Variants in ZNF395 observed in about 807,000 individuals in gnomAD.
ZNF395 encodes the protein HD gene regulatory region-binding protein 2.
A neutral mutation model predicts 57.7 loss-of-function variants in ZNF395; 20 were observed. The observed-to-expected ratio is 0.35, with a 90% CI of 0.24 to 0.50. ZNF395 has a LOEUF of 0.50. ZNF395 is among the 20% of genes least tolerant of loss of function. The probability of loss-of-function intolerance (pLI) is 0.97; values close to 1 mark genes in which losing one functional copy is unlikely to be tolerated. For synonymous variants in ZNF395, 295 were observed against 275.9 expected, an observed-to-expected ratio of 1.07 and a Z score of -0.69; for missense variants, 606 against 671.2, an observed-to-expected ratio of 0.90 and a Z score of 1.07.
chr8:28,371,932 C>T (rs1801982093), intron 1 of ZNF395, among the ~76,000 whole-genome samples: 1 of 152,068 alleles, frequency 6.6e-6, no homozygotes, highest in Non-Finnish European at 1.5e-5. Flanking sequence ...ACCTGCAATC[C>T]CAGCTACTGG....
chr8:28,378,433 TTCTC>T (rs1159554155), intron 1 of ZNF395, among the ~76,000 whole-genome samples: 1 of 151,942 alleles, frequency 6.6e-6, no homozygotes, highest in African/African-American at 2.4e-5. Flanking sequence ...CATAGACAAG[TTCTC>T]TCTCTGTTGC....
At chr8:28,354,463 T>A (rs1801756009) in intron 4 of ZNF395, among the ~76,000 whole-genome samples, 1 of 152,204 alleles carries the variant, frequency 6.6e-6, no homozygotes, top group African/African-American at 2.4e-5. Flanking sequence ...AGCACATCCC[T>A]TGTGGCCAGG....
At chr8:28,384,190 A>T (rs913805401) in intron 1 of ZNF395, among the ~76,000 whole-genome samples, 1 of 151,880 alleles carries the variant, frequency 6.6e-6, no homozygotes, top group African/African-American at 2.4e-5. Context: ...CCATTCCCTC[A>T]CTCAAAAACC....
intron 1 of ZNF395, 127 bp from the exon 2 acceptor site, chr8:28,361,309 T>C: frequency 1.3e-6 from 1 of 779,502 alleles, no homozygotes; most frequent in Non-Finnish European, 2.0e-6. Context: ...GTGATATCCA[T>C]TCCTAGTAGG....
Position 28,386,432 on chromosome 8 carries a change from C to G in ZNF395, c.-98G>C, listed in dbSNP as rs921180717. The G allele has an allele frequency of 1.3e-5, 2 of 151,250 alleles. No individual in the cohort carries two copies. The highest frequency in any genetic ancestry group is 4.9e-5 in the African/African-American group (2 of 40,936). 9.4% of individuals were successfully genotyped at this position (151,250 alleles called of 1,614,324 possible). ...AGACAGTCGGCGCTCAATAAGTGCC[C>G]GAGCGACTCCTCGCGCACATGCGCA... On this transcript the variant is annotated 5_prime_UTR_variant, in exon 1 of 10. Transcript: ENST00000344423.
chr8:28,372,020 G>T (rs1801982941), intron 1 of ZNF395, among the ~76,000 whole-genome samples: 1 of 151,892 alleles, frequency 6.6e-6, no homozygotes, highest in Admixed American at 6.6e-5. Context: ...TCTAGCCTGG[G>T]TGACAGAGTG....
At chr8:28,361,282 C>A in intron 1 of ZNF395, 100 bp from the exon 2 acceptor site, 1 of 983,472 alleles carries the variant, frequency 1.0e-6, no homozygotes, top group Non-Finnish European at 1.5e-6. Flanking sequence ...CTTCTAGCAT[C>A]CTTCCCTTTT....
chr8:28,354,907 G>T (rs1433391206), intron 4 of ZNF395, among the ~76,000 whole-genome samples: 2 of 151,520 alleles, frequency 1.3e-5, no homozygotes, highest in Non-Finnish European at 2.9e-5. Context: ...AGCAGGTCAA[G>T]CAGCAGGCAC....
intron 1 of ZNF395, among the ~76,000 whole-genome samples, chr8:28,376,984 A>G (rs1802049780): frequency 6.6e-6 from 1 of 152,206 alleles, no homozygotes; most frequent in East Asian, 1.9e-4. Flanking sequence ...TCATCTTACA[A>G]TATTCTCCAA....
intron 1 of ZNF395, among the ~76,000 whole-genome samples, chr8:28,383,968 A>G (rs1399714735): frequency 2.0e-5 from 3 of 152,164 alleles, no homozygotes; most frequent in African/African-American, 7.2e-5. Context: ...CGTTGAATCA[A>G]TTTCCACCAA....
At position 28,348,511 on chromosome 8, in the gene ZNF395, G is replaced by A. The variant is rs960726335; in HGVS notation, c.*208C>T. Reference sequence around the variant, plus strand: ...TTTTGGCTCTCTCCTATTTTAGGGGGAAAAATATTTTTGTTTCTTTTTTTT... The same window carrying A: ...TTTTGGCTCTCTCCTATTTTAGGGGAAAAAATATTTTTGTTTCTTTTTTTT... On this transcript the variant is annotated 3_prime_UTR_variant, in exon 10 of 10. Coordinates refer to ENST00000344423, the MANE Select transcript of ZNF395 (RefSeq NM_018660.3). The A allele has an allele frequency of 1.8e-5, 10 of 549,598 alleles. No individual in the cohort carries two copies. The African/African-American group carries it at 1.9e-4, about 10-fold the overall frequency. The allele number at this position is 549,598 out of a possible 1,614,324, so 34.0% of individuals were successfully genotyped here.
At chr8:28,364,417 C>T (rs1026879789) in intron 1 of ZNF395, among the ~76,000 whole-genome samples, 1 of 152,040 alleles carries the variant, frequency 6.6e-6, no homozygotes, top group Non-Finnish European at 1.5e-5. Flanking sequence ...TTTGGGAGGC[C>T]AAGGCAGGCA....
Position 28,345,750 on chromosome 8 carries a change from T to C in ZNF395, c.*2969A>G, listed in dbSNP as rs1189875566. ...ATAAGACAAACTCACAGATGGGATT[T>C]ATCTCCCTCTTGCTTTTTTTTTTTT... On this transcript the variant is annotated 3_prime_UTR_variant, in exon 10 of 10. Transcript: ENST00000344423. The C allele has an allele frequency of 7.9e-6, 1 of 126,916 alleles. No individual in the cohort carries two copies. Among genetic ancestry groups the C allele is most frequent in the Non-Finnish European group, 1.6e-5 (1 of 61,262 alleles). The allele number at this position is 126,916 out of a possible 1,614,324, so 7.9% of individuals were successfully genotyped here.
chr8:28,362,937 A>G (rs540402746), intron 1 of ZNF395, among the ~76,000 whole-genome samples: 86 of 152,310 alleles, frequency 5.6e-4, no homozygotes, highest in African/African-American at 2.0e-3. Flanking sequence ...AAAATAATAT[A>G]AGGAAAAGGT....
At chr8:28,378,399 C>T (rs1454612118) in intron 1 of ZNF395, among the ~76,000 whole-genome samples, 1 of 152,064 alleles carries the variant, frequency 6.6e-6, no homozygotes, top group Non-Finnish European at 1.5e-5. Flanking sequence ...TACCATCATG[C>T]TTGGTTAATT....
At chr8:28,385,397 GCCCCGCCCCCC>G (rs1296442505) in intron 1 of ZNF395, 2 of 113,386 alleles carry the variant, frequency 1.8e-5, no homozygotes, top group African/African-American at 8.7e-5. Flanking sequence ...TCCCTGTGCA[GCCCCGCCCCCC>G]CCCCGGGCAC....
Position 28,348,841 on chromosome 8 carries a change from A to C in ZNF395, c.1431-11T>G. The C allele has an allele frequency of 6.2e-7, 1 of 1,613,542 alleles. No homozygotes were observed. Among genetic ancestry groups the C allele is most frequent in the Non-Finnish European group, 8.5e-7 (1 of 1,179,670 alleles). On this transcript the variant is annotated splice_polypyrimidine_tract_variant and intron_variant, in intron 9 of 9. Coordinates refer to ENST00000344423, the MANE Select transcript of ZNF395 (RefSeq NM_018660.3). Reference sequence around the variant, plus strand: ...TCCCCTCGGGCTTTCCTGCAGAAAGAGAGGAATGCAAATCGAGCCCCACAC... The same window carrying C: ...TCCCCTCGGGCTTTCCTGCAGAAAGCGAGGAATGCAAATCGAGCCCCACAC...
intron 1 of ZNF395, chr8:28,375,156 G>A: frequency 6.6e-6 from 1 of 152,486 alleles, no homozygotes; most frequent in South Asian, 2.1e-4. Flanking sequence ...GGAGGCCAAG[G>A]TGGGAGAATC....
chr8:28,360,936 C>A lies in ZNF395; in HGVS notation c.189G>T (p.Lys63Asn). 6.2e-7 allele frequency: 1 copy of A among 1,613,982 alleles called. No individual in the cohort carries two copies. The highest frequency in any genetic ancestry group is 8.5e-7 in the Non-Finnish European group (1 of 1,179,986). ...GCTGAAGGCCCGAGGTGCTGGGAGC[C>A]TTAAGGACTTCCTTGGGCTGCTCCT... ...PCQEQPKEVL[K>N]APSTSGLQQV... Residue 63 changes from lysine (K) to asparagine (N), a missense_variant, in exon 2 of 10, where the codon AAG becomes AAT. Physicochemically the swap from Lys to Asn is moderately conservative, Grantham distance 94 (BLOSUM62 0). This residue lies in a region of ZNF395 where 309 missense variants were observed against 374.7 expected (regional missense o/e 0.82). Transcript: ENST00000344423.
Sources: gnomAD v4.1 joint callset for allele counts (sites outside exome capture counted in the v4.1 genomes callset) on GRCh38, gnomAD v4.1.1 for gene constraint, gnomAD v4.1.1 regional missense constraint, MANE v1.5 for transcripts, NCBI Gene and HGNC (gene_info 2026-07-23, HGNC 2026-07-21) for gene names.